Variants in RHEX observed in about 807,000 individuals in gnomAD.
RHEX encodes regulator of hemoglobinization and erythroid cell expansion, also known as regulator of hemoglobinization and erythroid cell expansion protein.
A neutral mutation model predicts 20.1 loss-of-function variants in RHEX; 18 were observed. The observed-to-expected ratio is 0.90, with a 90% CI of 0.62 to 1.33. RHEX has a LOEUF of 1.33. RHEX is among the 40% of genes most tolerant of loss of function. The pLI is 0.00. For missense variants in RHEX, 192 were observed against 214.3 expected (o/e 0.90, Z 0.65); for synonymous variants, 87 against 77.1 (o/e 1.13, Z -0.67).
intron 1 of RHEX, among the ~76,000 whole-genome samples, chr1:206,054,029 G>T (rs782144456): frequency 4.6e-5 from 7 of 151,412 alleles, no homozygotes; most frequent in African/African-American, 1.7e-4. Context: ...AGTGTAACAT[G>T]TATTATGGTA....
At chr1:206,062,930 G>A (rs1045618014) in intron 1 of RHEX, among the ~76,000 whole-genome samples, 4 of 152,210 alleles carry the variant, frequency 2.6e-5, no homozygotes, top group African/African-American at 9.7e-5. Flanking sequence ...TCCTCACAGA[G>A]CTTACCTTCT....
intron 4 of RHEX, among the ~76,000 whole-genome samples, chr1:206,100,044 T>C (rs1553288207): frequency 6.6e-6 from 1 of 152,224 alleles, no homozygotes; most frequent in African/African-American, 2.4e-5. Context: ...GTGCAAATGA[T>C]TGCAGGCGGC....
intron 1 of RHEX, among the ~76,000 whole-genome samples, chr1:206,088,358 A>G (rs182875965): frequency 1.3e-5 from 2 of 152,362 alleles, no homozygotes; most frequent in African/African-American, 4.8e-5. Flanking sequence ...TTATGAATAA[A>G]TCTATATTTG....
At chr1:206,074,509 A>G (rs1425162907) in intron 1 of RHEX, among the ~76,000 whole-genome samples, 1 of 152,184 alleles carries the variant, frequency 6.6e-6, no homozygotes, top group East Asian at 1.9e-4. Flanking sequence ...TTCACATACC[A>G]CACATTTCAC....
intron 1 of RHEX, among the ~76,000 whole-genome samples, chr1:206,089,917 C>T (rs1662912949): frequency 1.3e-5 from 2 of 152,160 alleles, no homozygotes; most frequent in South Asian, 2.1e-4. Flanking sequence ...CTAATTTCTT[C>T]TAATTTTAAT....
Position 206,102,197 on chromosome 1 carries a change from G to T in RHEX, c.*245G>T. On this transcript the variant is annotated 3_prime_UTR_variant, in exon 6 of 6. Transcript: ENST00000331555. ...AAAACAAGGCTTGGCTGGGAAAACAGGCCAATGCCCCGGCAAGAAAGGTTG... is the reference window on the plus strand; with the variant it reads ...AAAACAAGGCTTGGCTGGGAAAACATGCCAATGCCCCGGCAAGAAAGGTTG... 1 of 532,376 alleles carries T rather than the reference G, an allele frequency of 1.9e-6. No homozygotes were observed. Among genetic ancestry groups the T allele is most frequent in the Non-Finnish European group, 3.3e-6 (1 of 298,734 alleles). The allele number at this position is 532,376 out of a possible 1,614,324, so 33.0% of individuals were successfully genotyped here. A position where few individuals can be genotyped will look rare whatever the true frequency, so the allele number is the denominator to read the frequency against.
chr1:206,090,661 A>T (rs115992630), intron 1 of RHEX, among the ~76,000 whole-genome samples: 2,453 of 152,222 alleles, frequency 0.016, 28 homozygotes, highest in Non-Finnish European at 0.026. Flanking sequence ...GTGATTTTTA[A>T]GTGTTACAGC....
Position 206,055,323 on chromosome 1 carries a change from A to G in RHEX, c.-97+2058A>G, listed in dbSNP as rs545387253. Among the ~76,000 whole-genome samples, 6 of 152,396 alleles carry G rather than the reference A, an allele frequency of 3.9e-5. No individual in the cohort carries two copies. In the East Asian group the frequency reaches 1.2e-3, roughly 29 times the overall value. ...TGAGCTTAAGAATTTTCAAGAGCTT[A>G]TCAGTCAGTCAGCCCTTGTTCATCC... On this transcript the variant is annotated intron_variant, in intron 1 of 5. Transcript: ENST00000331555.
intron 1 of RHEX, among the ~76,000 whole-genome samples, chr1:206,080,982 TACACACACAC>T (rs71152465): frequency 6.7e-6 from 1 of 149,798 alleles, no homozygotes; most frequent in African/African-American, 2.5e-5. Flanking sequence ...TTTTTGTACA[TACACACACAC>T]ACACACACAG....
intron 1 of RHEX, among the ~76,000 whole-genome samples, chr1:206,093,658 T>C (rs933324262): frequency 3.3e-5 from 5 of 152,006 alleles, no homozygotes; most frequent in Admixed American, 6.5e-5. Flanking sequence ...AAAGAAAGCA[T>C]GGTGTATGGC....
chr1:206,096,435 GC>G (rs1476267451), intron 1 of RHEX, among the ~76,000 whole-genome samples: 2 of 152,198 alleles, frequency 1.3e-5, no homozygotes, highest in African/African-American at 4.8e-5. Flanking sequence ...CTAGCTTCTA[GC>G]CCCCTTCCAC....
intron 1 of RHEX, among the ~76,000 whole-genome samples, chr1:206,079,259 T>A (rs1340953501): frequency 1.3e-5 from 2 of 152,232 alleles, no homozygotes; most frequent in Non-Finnish European, 2.9e-5. Flanking sequence ...GAAAAAGTGA[T>A]AATTCATTGC....
intron 1 of RHEX, among the ~76,000 whole-genome samples, chr1:206,081,793 T>TA: frequency 6.6e-6 from 1 of 152,296 alleles, no homozygotes; most frequent in Admixed American, 6.5e-5. Flanking sequence ...ACACAGAGGC[T>TA]AGAGCTGTAT....
chr1:206,056,857 T>C (rs1662204567), intron 1 of RHEX, among the ~76,000 whole-genome samples: 1 of 152,252 alleles, frequency 6.6e-6, no homozygotes, highest in Non-Finnish European at 1.5e-5. Context: ...TTATGTGAGA[T>C]GTGTCAATAC....
At chr1:206,064,414 AG>A (rs1662376678) in intron 1 of RHEX, among the ~76,000 whole-genome samples, 1 of 114,134 alleles carries the variant, frequency 8.8e-6, no homozygotes, top group Non-Finnish European at 1.8e-5. Flanking sequence ...CCGCCCGGCC[AG>A]CCGCCCCGTC....
chr1:206,095,546 G>A (rs1663047244), intron 1 of RHEX, among the ~76,000 whole-genome samples: 1 of 152,124 alleles, frequency 6.6e-6, no homozygotes, highest in African/African-American at 2.4e-5. Flanking sequence ...GCTGGGCGCG[G>A]TGGCTCACGC....
chr1:206,070,376 C>G (rs890277762), intron 1 of RHEX, among the ~76,000 whole-genome samples: 1 of 152,076 alleles, frequency 6.6e-6, no homozygotes, highest in Non-Finnish European at 1.5e-5. Context: ...AAATTCTGTT[C>G]GGTAGGCAGA....
At chr1:206,088,496 A>C (rs941421161) in intron 1 of RHEX, among the ~76,000 whole-genome samples, 1 of 152,198 alleles carries the variant, frequency 6.6e-6, no homozygotes, top group African/African-American at 2.4e-5. Flanking sequence ...CAGCCTGGCC[A>C]ACATGGTGAA....
intron 1 of RHEX, among the ~76,000 whole-genome samples, chr1:206,058,767 T>C (rs1199964906): frequency 6.6e-6 from 1 of 152,126 alleles, no homozygotes; most frequent in Non-Finnish European, 1.5e-5. Flanking sequence ...ATCTTTAGTA[T>C]TGTGAGCCCT....
Sources: gnomAD v4.1 joint callset for allele counts (sites outside exome capture counted in the v4.1 genomes callset) on GRCh38, gnomAD v4.1.1 for gene constraint, MANE v1.5 for transcripts, NCBI Gene and HGNC (gene_info 2026-07-23, HGNC 2026-07-21) for gene names.